The following COA3 variants were observed in gnomAD, a reference collection of about 807,000 sequenced individuals.
The protein encoded by COA3 is cytochrome c oxidase assembly factor 3 homolog, mitochondrial.
A neutral mutation model predicts 10.1 loss-of-function variants in COA3; 10 were observed. That is an observed-to-expected ratio of 0.99 (90% CI 0.61 to 1.67). COA3 has a LOEUF of 1.67. Ranked by LOEUF, COA3 falls within the 40% of genes most tolerant of loss-of-function variation. COA3 has a pLI of 0.00. For missense variants in COA3, 142 were observed against 140.7 expected, an observed-to-expected ratio of 1.01 and a Z score of -0.05; for synonymous variants, 57 against 63.1, an observed-to-expected ratio of 0.90 and a Z score of 0.46.
Position 42,797,980 on chromosome 17 carries a change from T to G in COA3, c.*81A>C. The G allele has an allele frequency of 1.1e-6, 1 of 927,420 alleles. No homozygotes were observed. Among genetic ancestry groups the G allele is most frequent in the Non-Finnish European group, 1.7e-6 (1 of 584,794 alleles). 57.4% of individuals were successfully genotyped at this position (927,420 alleles called of 1,614,324 possible). A position where few individuals can be genotyped will look rare whatever the true frequency, so the allele number is the denominator to read the frequency against. On this transcript the variant is annotated 3_prime_UTR_variant, in exon 2 of 2. Transcript: ENST00000328434. Reference sequence around the variant, plus strand: ...AGGCCAACAATGTTGTGAGCAGGATTCAATTTCTACAGGGTCATGGGGCAT... The same window carrying G: ...AGGCCAACAATGTTGTGAGCAGGATGCAATTTCTACAGGGTCATGGGGCAT...
At chr17:42,798,193 C>T in intron 1 of COA3, 26 bp from the exon 2 acceptor site, 1 of 1,476,748 alleles carries the variant, frequency 6.8e-7, no homozygotes, top group East Asian at 2.3e-5. Context: ...CAGGAAACCA[C>T]ACAGAATATG....
In COA3 at chr17:42,798,636, C is replaced by T. The variant is rs1001127334; in HGVS notation, c.46G>A (p.Glu16Lys). Residue 16 changes from glutamate (E) to lysine (K), a missense_variant, in exon 1 of 2, where the codon GAG (glutamate) becomes AAG (lysine). Transcript: ENST00000328434. ...TCGATACGCTGAGCGAACGGGGCCT[C>T]TCCACGCTTAGAATCCAGAGGGTCA... ...AGDPLDSKRGEAPFAQRIDPT... is the reference protein window; with the variant it reads ...AGDPLDSKRGKAPFAQRIDPT... 1 of 1,613,960 alleles carries T rather than the reference C, an allele frequency of 6.2e-7. No homozygotes were observed. The highest frequency in any genetic ancestry group is 8.5e-7 in the Non-Finnish European group (1 of 1,179,990).
At chr17:42,798,231 A>C (rs2054707960) in intron 1 of COA3, 64 bp from the exon 2 acceptor site, 2 of 1,249,488 alleles carry the variant, frequency 1.6e-6, no homozygotes, top group East Asian at 2.3e-5. Flanking sequence ...GATTTGCTCT[A>C]CCACTCTTGT....
At chr17:42,798,441 C>T in intron 1 of COA3, 27 bp downstream of exon 1, 1 of 1,606,608 alleles carries the variant, frequency 6.2e-7, no homozygotes, top group South Asian at 1.1e-5. Flanking sequence ...TATGCGGTCC[C>T]CTTGAGTCTA....
Position 42,798,613 on chromosome 17 carries a change from G to T in COA3, c.69C>A (p.Ile23=). The T allele has an allele frequency of 1.2e-6, 2 of 1,614,170 alleles. No homozygotes were observed. Among genetic ancestry groups the T allele is most frequent in the Non-Finnish European group, 1.7e-6 (2 of 1,180,036 alleles). The stretch of plus-strand genomic sequence containing the variant: ...GTGTCAGCTTCTCCCGAGTCGGGTC[G>T]ATACGCTGAGCGAACGGGGCCTCTC... The part of the protein sequence containing the change: ...KRGEAPFAQR[I]DPTREKLTPE... The change falls in exon 1 of 2, where the codon ATC becomes ATA. Residue 23 remains isoleucine, a synonymous_variant. Transcript: ENST00000328434.
In COA3 at chr17:42,798,489, C is replaced by T; in HGVS notation, c.193G>A (p.Gly65Arg). The change falls in exon 1 of 2, where the codon GGG (glycine) becomes AGG (arginine). Residue 65 changes from glycine (G) to arginine (R), a missense_variant. Coordinates refer to ENST00000328434, the MANE Select transcript of COA3 (RefSeq NM_001040431.3). ...TRNIVTGLGI[G>R]ALVLAIYGYT... is the part of the protein sequence containing the mutation. ...ATACAAATAGCCAACACCAGGGCCC[C>T]GATGCCTAGGCCGGTCACGATGTTC... 6.2e-7 allele frequency: 1 copy of T among 1,613,462 alleles called. No homozygotes were observed. The highest frequency in any genetic ancestry group is 1.7e-5 in the Admixed American group (1 of 60,030).
At position 42,798,500 on chromosome 17, in the gene COA3, C is replaced by T; in HGVS notation, c.182G>A (p.Gly61Asp). The T allele has an allele frequency of 6.2e-7, 1 of 1,613,824 alleles. No homozygotes were observed. The highest frequency in any genetic ancestry group is 8.5e-7 in the Non-Finnish European group (1 of 1,180,036). ...CAACACCAGGGCCCCGATGCCTAGGCCGGTCACGATGTTCCGGGTTCGCCG... is the reference window on the plus strand; with the variant it reads ...CAACACCAGGGCCCCGATGCCTAGGTCGGTCACGATGTTCCGGGTTCGCCG... Reference protein sequence around the residue: ...PRRRTRNIVTGLGIGALVLAI... With the variant: ...PRRRTRNIVTDLGIGALVLAI... The change falls in exon 1 of 2, where the codon GGC becomes GAC. Residue 61 changes from glycine (G) to aspartate (D), a missense_variant. Transcript: ENST00000328434.
rs776777944 is a variant in COA3 at position 42,798,497 on chromosome 17, A to C, written c.185T>G (p.Leu62Arg). 6.2e-7 allele frequency: 1 copy of C among 1,613,742 alleles called. No individual in the cohort carries two copies. The highest frequency in any genetic ancestry group is 2.2e-5 in the East Asian group (1 of 44,882). ...AGCCAACACCAGGGCCCCGATGCCT[A>C]GGCCGGTCACGATGTTCCGGGTTCG... is the stretch of plus-strand genomic sequence containing the variant. Reference protein sequence around the residue: ...RRRTRNIVTGLGIGALVLAIY... With the variant: ...RRRTRNIVTGRGIGALVLAIY... Residue 62 changes from leucine (L) to arginine (R), a missense_variant, in exon 1 of 2, where the codon CTA (leucine) becomes CGA (arginine). Leu to Arg is a moderately radical substitution (Grantham distance 102). Coordinates refer to ENST00000328434, the MANE Select transcript of COA3 (RefSeq NM_001040431.3).
At position 42,798,123 on chromosome 17, in the gene COA3, C is replaced by A. The variant is rs1242685881; in HGVS notation, c.259G>T (p.Glu87Ter). ...GCAGCTTTGGCCTCGTCTTCTAGCT[C>A]ATCTAGGAAACGCTCCTGGGAAATC... ...YSISQERFLD[E>*]LEDEAKAARA... The change falls in exon 2 of 2, where the codon GAG becomes TAG. Residue 87 changes from glutamate to a stop codon, truncating the protein, a stop_gained. Coordinates refer to ENST00000328434, the MANE Select transcript of COA3 (RefSeq NM_001040431.3). LOFTEE classifies it high-confidence loss of function. 1.2e-6 allele frequency: 2 copies of A among 1,614,042 alleles called. No individual in the cohort carries two copies. The highest frequency in any genetic ancestry group is 2.7e-5 in the African/African-American group (2 of 74,918).
intron 1 of COA3, 90 bp from the exon 2 acceptor site, chr17:42,798,257 G>T: frequency 9.5e-7 from 1 of 1,050,482 alleles, no homozygotes. Context: ...TCCCAAATCA[G>T]TGATTCCGGC....
rs1199177336 is a variant in COA3 at position 42,797,894 on chromosome 17, A to G, written c.*167T>C. The G allele has an allele frequency of 2.4e-5, 14 of 576,142 alleles. No homozygotes were observed. The highest frequency in any genetic ancestry group is 1.3e-4 in the African/African-American group (7 of 53,380). 35.7% of individuals were successfully genotyped at this position (576,142 alleles called of 1,614,324 possible). A position where few individuals can be genotyped will look rare whatever the true frequency, so the allele number is the denominator to read the frequency against. Reference sequence around the variant, plus strand: ...GTGGGCAAAGTTCTGTTCTTTTGACATTGGCCAAATGCGTAAGTCCCTGGT... The same window carrying G: ...GTGGGCAAAGTTCTGTTCTTTTGACGTTGGCCAAATGCGTAAGTCCCTGGT... On this transcript the variant is annotated 3_prime_UTR_variant, in exon 2 of 2. Coordinates refer to ENST00000328434, the MANE Select transcript of COA3 (RefSeq NM_001040431.3).
intron 1 of COA3, 74 bp from the exon 2 acceptor site, chr17:42,798,241 T>G (rs968280113): frequency 4.3e-6 from 5 of 1,164,530 alleles, no homozygotes; most frequent in Non-Finnish European, 6.4e-6. Context: ...ACCACTCTTG[T>G]TACTCTCCCA....
At position 42,798,673 on chromosome 17, in the gene COA3, A is replaced by G; in HGVS notation, c.9T>C (p.Ser3=). The G allele has an allele frequency of 1.2e-6, 2 of 1,611,890 alleles. No homozygotes were observed. Among genetic ancestry groups the G allele is most frequent in the Non-Finnish European group, 1.7e-6 (2 of 1,178,342 alleles). Residue 3 remains serine (S), a synonymous_variant, in exon 1 of 2, where the codon TCT becomes TCC. Transcript: ENST00000328434. MA[S]SGAGDPLDSK... is the part of the protein sequence containing the mutation. ...AATCCAGAGGGTCACCAGCTCCCGA[A>G]GACGCCATGTTGCCACTCCTCCCTT... is the stretch of plus-strand genomic sequence containing the variant.
rs2054702833 is a variant in COA3 at position 42,797,968 on chromosome 17, T to C, written c.*93A>G. 1 of 836,536 alleles carries C rather than the reference T, an allele frequency of 1.2e-6. No individual in the cohort carries two copies. The highest frequency in any genetic ancestry group is 1.7e-5 in the African/African-American group (1 of 58,968). The allele number at this position is 836,536 out of a possible 1,614,324, so 51.8% of individuals were successfully genotyped here. A position where few individuals can be genotyped will look rare whatever the true frequency, so the allele number is the denominator to read the frequency against. On this transcript the variant is annotated 3_prime_UTR_variant, in exon 2 of 2. Transcript: ENST00000328434. ...AGGTTAGTAAGAAGGCCAACAATGTTGTGAGCAGGATTCAATTTCTACAGG... is the reference window on the plus strand; with the variant it reads ...AGGTTAGTAAGAAGGCCAACAATGTCGTGAGCAGGATTCAATTTCTACAGG...
Position 42,798,507 on chromosome 17 carries a change from C to T in COA3, c.175G>A (p.Val59Met). ...AGGGCCCCGATGCCTAGGCCGGTCA[C>T]GATGTTCCGGGTTCGCCGCCGTGGT... is the stretch of plus-strand genomic sequence containing the variant. Reference protein sequence around the residue: ...VLPRRRTRNIVTGLGIGALVL... With the variant: ...VLPRRRTRNIMTGLGIGALVL... The change falls in exon 1 of 2, where the codon GTG becomes ATG. Residue 59 changes from valine (V) to methionine (M), a missense_variant. By Grantham distance (21) the Val-to-Met change is conservative. Transcript: ENST00000328434. 6.2e-7 allele frequency: 1 copy of T among 1,613,940 alleles called. No individual in the cohort carries two copies. Among genetic ancestry groups the T allele is most frequent in the Admixed American group, 1.7e-5 (1 of 60,032 alleles).
At position 42,797,795 on chromosome 17, in the gene COA3, G is replaced by A; in HGVS notation, c.*266C>T. 1 of 362,500 alleles carries A rather than the reference G, an allele frequency of 2.8e-6. No homozygotes were observed. The allele number at this position is 362,500 out of a possible 1,614,324, so 22.5% of individuals were successfully genotyped here. A position where few individuals can be genotyped will look rare whatever the true frequency, so the allele number is the denominator to read the frequency against. ...GTCAGAAACTTTGGGAAAAGCCACG[G>A]TCGCATGCACACCTCTCAAACAAGG... is the stretch of plus-strand genomic sequence containing the variant. On this transcript the variant is annotated 3_prime_UTR_variant, in exon 2 of 2. Coordinates refer to ENST00000328434, the MANE Select transcript of COA3 (RefSeq NM_001040431.3).
intron 1 of COA3, 140 bp from the exon 2 acceptor site, chr17:42,798,307 C>T (rs1423080504): frequency 1.1e-6 from 1 of 933,950 alleles, no homozygotes; most frequent in African/African-American, 1.7e-5. Flanking sequence ...ACCCCAATTC[C>T]GTTATTATTA....
At chr17:42,798,345 G>T in intron 1 of COA3, 123 bp downstream of exon 1, 1 of 1,039,076 alleles carries the variant, frequency 9.6e-7, no homozygotes, top group Non-Finnish European at 1.4e-6. Flanking sequence ...AGTACCTTAG[G>T]AATAACAAAG....
At chr17:42,798,375 C>T in intron 1 of COA3, 93 bp downstream of exon 1, 5 of 1,289,552 alleles carry the variant, frequency 3.9e-6, no homozygotes, top group African/African-American at 1.5e-5. Context: ...ACCCATTTTA[C>T]CCCAAAATTA....
Sources: gnomAD v4.1 joint callset for allele counts on GRCh38, gnomAD v4.1.1 for gene constraint, MANE v1.5 for transcripts, NCBI Gene and HGNC (gene_info 2026-07-23, HGNC 2026-07-21) for gene names.